The following PRKD2 variants were observed in gnomAD, a reference collection of about 807,000 sequenced individuals.
PRKD2 encodes serine/threonine-protein kinase D2.
Under a neutral mutation model 86.0 loss-of-function variants are expected in PRKD2, and 22 were observed. That is an observed-to-expected ratio of 0.26 (90% CI 0.18 to 0.37). The LOEUF is 0.37. PRKD2 is among the 10% of genes least tolerant of loss of function. The probability of loss-of-function intolerance (pLI) is 1.00; values close to 1 mark genes in which losing one functional copy is unlikely to be tolerated. For missense variants in PRKD2, 818 were observed against 1,199.2 expected (o/e 0.68, Z 4.70); for synonymous variants, 509 against 510.9 (o/e 1.00, Z 0.05).
chr19:46,706,979 A>G (rs1294460524), intron 3 of PRKD2, among the ~76,000 whole-genome samples: 1 of 140,110 alleles, frequency 7.1e-6, no homozygotes, highest in Non-Finnish European at 1.5e-5. Flanking sequence ...TGCAACCTCC[A>G]CCCCCTCAGG....
At chr19:46,681,621 TCC>T in intron 15 of PRKD2, 27 bp downstream of exon 15, 1 of 1,408,392 alleles carries the variant, frequency 7.1e-7, no homozygotes, top group Non-Finnish European at 9.9e-7. Flanking sequence ...TGCCTGGATT[TCC>T]CCAAATCAGG....
chr19:46,698,282 C>T (rs1212984094), intron 7 of PRKD2, among the ~76,000 whole-genome samples: 9 of 152,196 alleles, frequency 5.9e-5, no homozygotes, highest in Non-Finnish European at 1.0e-4. Context: ...CTAGTCCCAC[C>T]CTTAGAATCC....
chr19:46,682,701 ATT>A (rs71177241), intron 14 of PRKD2, among the ~76,000 whole-genome samples: 54,261 of 101,968 alleles, frequency 0.53, 12,998 homozygotes, highest in Middle Eastern at 0.6. Flanking sequence ...ATGTGATTCT[ATT>A]TTTTTTTTTT....
At position 46,674,430 on chromosome 19, in the gene PRKD2, TG is replaced by T. The variant is rs2053163756; in HGVS notation, c.*92del. 5.1e-6 allele frequency: 7 copies of T among 1,372,582 alleles called. No individual in the cohort carries two copies. The highest frequency in any genetic ancestry group is 5.9e-6 in the Non-Finnish European group (6 of 1,019,504). 85.0% of individuals were successfully genotyped at this position (1,372,582 alleles called of 1,614,324 possible). A position where few individuals can be genotyped will look rare whatever the true frequency, so the allele number is the denominator to read the frequency against. ...CACTCCCCACGTGTCCCATCCAGTTTGGGCAGGAAGCCACTTTCCCTAGAAC... is the reference window on the plus strand; with the variant it reads ...CACTCCCCACGTGTCCCATCCAGTTTGGCAGGAAGCCACTTTCCCTAGAAC... On this transcript the variant is annotated 3_prime_UTR_variant, in exon 18 of 18. Coordinates refer to ENST00000291281, the MANE Select transcript of PRKD2 (RefSeq NM_016457.5).
chr19:46,705,356 A>G lies in PRKD2; in HGVS notation c.512-707T>C, dbSNP rs979717617. Among the ~76,000 whole-genome samples, 14 of 150,506 alleles carry G rather than the reference A, an allele frequency of 9.3e-5. 1 individual carries two copies. The highest frequency in any genetic ancestry group is 3.3e-4 in the Admixed American group (5 of 15,054). On this transcript the variant is annotated intron_variant, in intron 3 of 17. Transcript: ENST00000291281. ...GGTTCCCCCTCTTTCCCCAACCCCA[A>G]CTTTCCAAAAGAAAATGCCTCTCCT...
chr19:46,695,424 A>G (rs959304478), intron 9 of PRKD2, among the ~76,000 whole-genome samples: 1 of 152,250 alleles, frequency 6.6e-6, no homozygotes, highest in African/African-American at 2.4e-5. Flanking sequence ...CGGAGGTTGC[A>G]GTGAGCCAAG....
In PRKD2 at chr19:46,693,962, C is replaced by T. The variant is rs1213111699; in HGVS notation, c.1489G>A (p.Ala497Thr). The T allele has an allele frequency of 1.6e-5, 25 of 1,612,194 alleles. No individual in the cohort carries two copies. Among genetic ancestry groups the T allele is most frequent in the African/African-American group, 2.7e-5 (2 of 74,948 alleles). Residue 497 changes from alanine to threonine, a missense_variant, in exon 10 of 18, where the codon GCC becomes ACC. Coordinates refer to ENST00000291281, the MANE Select transcript of PRKD2 (RefSeq NM_016457.5). This position sits in a 1 kb window ranked among gnomAD's most constrained non-coding sequence, Gnocchi z 4.5. The part of the protein sequence containing the change: ...GGPSGQGAEA[A>T]RGWETAIRQA... ...CGGATGGCTGTCTCCCAGCCCCGGG[C>T]GGCCTCAGCCCCCTGCCCACTTGGC...
intron 9 of PRKD2, among the ~76,000 whole-genome samples, chr19:46,694,960 G>A (rs1216430474): frequency 6.6e-6 from 1 of 152,154 alleles, no homozygotes; most frequent in Non-Finnish European, 1.5e-5. Flanking sequence ...CCAGCACTTT[G>A]GGAGGCCAAG....
At chr19:46,688,104 G>A (rs184756544) in intron 14 of PRKD2, among the ~76,000 whole-genome samples, 117 of 152,120 alleles carry the variant, frequency 7.7e-4, no homozygotes, top group African/African-American at 2.7e-3. Context: ...CGCCTAGGCT[G>A]GTCTCCAACT....
chr19:46,685,641 C>A (rs534068977), intron 14 of PRKD2: 77 of 152,464 alleles, frequency 5.1e-4, no homozygotes, highest in African/African-American at 1.8e-3. Context: ...AACCATGATT[C>A]CTTTCCACAC....
intron 5 of PRKD2, 48 bp downstream of exon 5, chr19:46,704,121 G>A: frequency 6.2e-7 from 1 of 1,608,870 alleles, no homozygotes. Context: ...GGTTGGGGCG[G>A]GAAGGAGGTT....
chr19:46,684,281 T>C (rs781065626), intron 14 of PRKD2, among the ~76,000 whole-genome samples: 2 of 152,056 alleles, frequency 1.3e-5, no homozygotes, highest in Admixed American at 6.6e-5. Context: ...TTCTACAGAC[T>C]GGGAGACCAA....
Position 46,701,106 on chromosome 19 carries a change from T to C in PRKD2, c.896A>G (p.Lys299Arg). ...FRQGLQCKDC[K>R]FNCHKRCATR... ...GGCGCAGCGTTTGTGACAGTTAAAC[T>C]TGCAGTCTGGTAGGACAGGGAACAA... is the stretch of plus-strand genomic sequence containing the variant. The change falls in exon 6 of 18, where the codon AAG becomes AGG. Residue 299 changes from lysine to arginine, a missense_variant. Physicochemically the swap from Lys to Arg is conservative, Grantham distance 26 (BLOSUM62 2). This residue lies in a region of PRKD2 where 403 missense variants were observed against 518.6 expected (regional missense o/e 0.78). Transcript: ENST00000291281. 2 of 1,614,088 alleles carry C rather than the reference T, an allele frequency of 1.2e-6. No individual in the cohort carries two copies. The highest frequency in any genetic ancestry group is 1.7e-6 in the Non-Finnish European group (2 of 1,180,006).
chr19:46,687,621 A>G (rs1259136334), intron 14 of PRKD2, among the ~76,000 whole-genome samples: 1 of 152,208 alleles, frequency 6.6e-6, no homozygotes, highest in Admixed American at 6.6e-5. Context: ...AATGAGTTTG[A>G]AGAGTGCTTG....
chr19:46,714,043 G>A (rs952644186), intron 1 of PRKD2, 42 bp from the exon 2 acceptor site: 7 of 1,598,264 alleles, frequency 4.4e-6, no homozygotes, highest in Admixed American at 1.7e-5. Flanking sequence ...AAAGCTCAGA[G>A]CCGCCTTCAG....
At chr19:46,711,126 C>T in intron 2 of PRKD2, 88 bp from the exon 3 acceptor site, 1 of 1,469,140 alleles carries the variant, frequency 6.8e-7, no homozygotes, top group Non-Finnish European at 9.2e-7. Context: ...TCACAGTGCT[C>T]CCAGCCGCAA....
chr19:46,709,811 C>T (rs2053776938), intron 3 of PRKD2, among the ~76,000 whole-genome samples: 1 of 152,188 alleles, frequency 6.6e-6, no homozygotes, highest in Admixed American at 6.5e-5. Flanking sequence ...GAAATTCCAC[C>T]TGTGGACATC....
At chr19:46,691,235 T>A (rs2053479228) in intron 12 of PRKD2, among the ~76,000 whole-genome samples, 1 of 151,832 alleles carries the variant, frequency 6.6e-6, no homozygotes, top group Non-Finnish European at 1.5e-5. Context: ...TACCCTCCAA[T>A]CCAATCAGAA....
chr19:46,707,138 C>T (rs56305818), intron 3 of PRKD2, among the ~76,000 whole-genome samples: 20,504 of 152,114 alleles, frequency 0.13, 1,616 homozygotes, highest in South Asian at 0.26. Flanking sequence ...ATGATCCGCC[C>T]GCCTTGGCCT....
Sources: allele counts gnomAD v4.1 joint callset (sites outside exome capture counted in the v4.1 genomes callset), GRCh38; gene constraint gnomAD v4.1.1; regional missense constraint gnomAD v4.1.1; non-coding constraint Gnocchi (gnomAD v3.1); transcripts MANE v1.5; gene names NCBI Gene and HGNC (gene_info 2026-07-23, HGNC 2026-07-21).